The following TPST2 variants were observed in gnomAD, a reference collection of about 807,000 sequenced individuals.
TPST2 encodes the protein protein-tyrosine sulfotransferase 2.
A neutral mutation model predicts 27.8 loss-of-function variants in TPST2; 16 were observed. The observed-to-expected ratio is 0.58, with a 90% CI of 0.39 to 0.88. TPST2 has a LOEUF of 0.88. Ranked by LOEUF, TPST2 falls within the 40% of genes least tolerant of loss-of-function variation. The pLI, the probability that TPST2 is intolerant of heterozygous loss-of-function variation, is 0.00. For missense variants in TPST2, 464 were observed against 543.1 expected (o/e 0.85, Z 1.45); for synonymous variants, 229 against 231.7 (o/e 0.99, Z 0.10).
At chr22:26,586,058 A>G (rs567055943) in intron 1 of TPST2, among the ~76,000 whole-genome samples, 1 of 151,874 alleles carries the variant, frequency 6.6e-6, no homozygotes, top group Non-Finnish European at 1.5e-5. Context: ...TAATAATAAT[A>G]ATAATCATAA....
At chr22:26,542,208 C>A (rs1425597598) in intron 2 of TPST2, among the ~76,000 whole-genome samples, 1 of 149,978 alleles carries the variant, frequency 6.7e-6, no homozygotes, top group African/African-American at 2.5e-5. Flanking sequence ...CGCCACTGCA[C>A]TCCAGCGTGG....
At chr22:26,540,065 T>C (rs1378928787) in intron 3 of TPST2, among the ~76,000 whole-genome samples, 2 of 152,186 alleles carry the variant, frequency 1.3e-5, no homozygotes, top group East Asian at 1.9e-4. Flanking sequence ...AACACTAAAA[T>C]AGTAATAATA....
At chr22:26,542,153 A>G (rs369375225) in intron 2 of TPST2, among the ~76,000 whole-genome samples, 94 of 151,096 alleles carry the variant, frequency 6.2e-4, no homozygotes, top group African/African-American at 2.2e-3. Flanking sequence ...GCGGCAGGAG[A>G]ATGGCGTGAA....
At chr22:26,565,713 T>C (rs928115218) in intron 1 of TPST2, 25 of 152,236 alleles carry the variant, frequency 1.6e-4, no homozygotes, top group African/African-American at 5.8e-4. Flanking sequence ...CCAGTAGCTA[T>C]GTTACAGAAG....
chr22:26,537,442 G>T (rs142668741), intron 3 of TPST2, among the ~76,000 whole-genome samples: 13 of 152,180 alleles, frequency 8.5e-5, no homozygotes, highest in Admixed American at 8.5e-4. Context: ...TTAGAAGAGC[G>T]TAGGCACATT....
chr22:26,537,590 C>A (rs889562253), intron 3 of TPST2, among the ~76,000 whole-genome samples: 4 of 152,132 alleles, frequency 2.6e-5, no homozygotes, highest in Admixed American at 6.5e-5. Context: ...GTAGCTGGAA[C>A]TACAGGCATG....
chr22:26,537,806 GCTCT>G (rs924166083), intron 3 of TPST2, among the ~76,000 whole-genome samples: 17 of 151,810 alleles, frequency 1.1e-4, no homozygotes, highest in Admixed American at 5.9e-4. Context: ...CTGTGCACAC[GCTCT>G]CTCTCTCACA....
rs1298144584 is a variant in TPST2 at position 26,538,642 on chromosome 22, C to T, written c.842+2147G>A. 3.3e-5 allele frequency among the ~76,000 whole-genome samples: 5 copies of T among 152,164 alleles called. No homozygotes were observed. The East Asian group carries it at 9.7e-4, about 29-fold the overall frequency. On this transcript the variant is annotated intron_variant, in intron 3 of 6. Coordinates refer to ENST00000338754, the MANE Select transcript of TPST2 (RefSeq NM_003595.5). ...TTCGAGACCAGCCTGGCCAACATGG[C>T]AAAACCCCATCTCTACTAAAAATAT...
At chr22:26,586,917 T>A (rs1928368229) in intron 1 of TPST2, among the ~76,000 whole-genome samples, 1 of 152,070 alleles carries the variant, frequency 6.6e-6, no homozygotes, top group African/African-American at 2.4e-5. Context: ...GGGAAGGTGC[T>A]GAGAGGAGGG....
chr22:26,538,325 T>C (rs1197947877), intron 3 of TPST2, among the ~76,000 whole-genome samples: 1 of 152,218 alleles, frequency 6.6e-6, no homozygotes, highest in Admixed American at 6.5e-5. Flanking sequence ...TCAAAAATCT[T>C]GAGTATGTGC....
intron 2 of TPST2, among the ~76,000 whole-genome samples, chr22:26,542,240 TAAAA>T (rs537567197): frequency 3.4e-5 from 4 of 115,970 alleles, no homozygotes; most frequent in Non-Finnish European, 3.5e-5. Context: ...AGACTCCGTC[TAAAA>T]AAAAAAAAAA....
chr22:26,535,506 G>A (rs1430437012), intron 4 of TPST2, among the ~76,000 whole-genome samples: 1 of 152,198 alleles, frequency 6.6e-6, no homozygotes, highest in Non-Finnish European at 1.5e-5. Context: ...GTCAGTCACT[G>A]GAGGCTCACA....
intron 1 of TPST2, among the ~76,000 whole-genome samples, chr22:26,572,483 C>A (rs1927667996): frequency 6.6e-6 from 1 of 152,098 alleles, no homozygotes; most frequent in African/African-American, 2.4e-5. Flanking sequence ...CCTTTTTGCT[C>A]AATGCTATGG....
Position 26,540,928 on chromosome 22 carries a change from G to A in TPST2, c.703C>T (p.Pro235Ser). Residue 235 changes from proline to serine, a missense_variant, in exon 3 of 7, where the codon CCT becomes TCT. Pro to Ser is a moderately conservative substitution (Grantham distance 74). Transcript: ENST00000338754. ...CMEVGKEKCL[P>S]VYYEQLVLHP... ...AGCACCAGCTGCTCGTAGTACACAG[G>A]CAGGCACTTCTCCTTGCCTACCTCC... 1 of 1,614,204 alleles carries A rather than the reference G, an allele frequency of 6.2e-7. No individual in the cohort carries two copies.
intron 1 of TPST2, among the ~76,000 whole-genome samples, chr22:26,570,053 A>AGAC (rs1432634225): frequency 1.1e-3 from 141 of 131,598 alleles, no homozygotes; most frequent in Non-Finnish European, 7.8e-4. Flanking sequence ...GACAGAAAGA[A>AGAC]AGAAAGAAAG....
At chr22:26,575,866 T>C (rs544384402) in intron 1 of TPST2, among the ~76,000 whole-genome samples, 1 of 152,082 alleles carries the variant, frequency 6.6e-6, no homozygotes, top group South Asian at 2.1e-4. Flanking sequence ...CCTGGTGATG[T>C]GTGCTTGTAA....
chr22:26,530,409 T>C (rs1925086627), intron 5 of TPST2, among the ~76,000 whole-genome samples: 1 of 152,228 alleles, frequency 6.6e-6, no homozygotes, highest in African/African-American at 2.4e-5. Flanking sequence ...CACCGTTTAC[T>C]GACTGCTTAC....
intron 1 of TPST2, among the ~76,000 whole-genome samples, chr22:26,589,616 T>C (rs1928474784): frequency 6.6e-6 from 1 of 152,080 alleles, no homozygotes; most frequent in South Asian, 2.1e-4. Context: ...TCCTCGCAAC[T>C]CCACGGCTGC....
intron 1 of TPST2, among the ~76,000 whole-genome samples, chr22:26,559,706 C>T (rs559835619): frequency 3.3e-5 from 5 of 152,298 alleles, no homozygotes; most frequent in Non-Finnish European, 2.9e-5. Flanking sequence ...AAGGTTCATC[C>T]GTTAGTTTTG....
Sources: gnomAD v4.1 joint callset for allele counts (sites outside exome capture counted in the v4.1 genomes callset) on GRCh38, gnomAD v4.1.1 for gene constraint, MANE v1.5 for transcripts, NCBI Gene and HGNC (gene_info 2026-07-23, HGNC 2026-07-21) for gene names.